SAMD8: variants seen among roughly 807,000 people sequenced by gnomAD.
SAMD8 encodes the protein sterile alpha motif domain containing 8.
SAMD8 carries 20 observed loss-of-function variants against 42.0 expected under a neutral mutation model. That is an observed-to-expected ratio of 0.48 (90% CI 0.34 to 0.69). The LOEUF (loss-of-function observed/expected upper bound fraction) is 0.69. Ranked by LOEUF, SAMD8 falls within the 30% of genes least tolerant of loss-of-function variation. The pLI, the probability that SAMD8 is intolerant of heterozygous loss-of-function variation, is 0.01. For missense variants in SAMD8, 328 were observed against 511.6 expected (o/e 0.64, Z 3.46); for synonymous variants, 162 against 173.0 (o/e 0.94, Z 0.50).
chr10:75,104,001 G>T (rs147263330), intron 1 of SAMD8: 1 of 1,356,188 alleles, frequency 7.4e-7, no homozygotes, highest in Non-Finnish European at 9.8e-7. Flanking sequence ...ACCATCTTCT[G>T]TGTGTCCGCC....
upstream of SAMD8, among the ~76,000 whole-genome samples, chr10:75,109,405 G>A (rs1848708907): frequency 6.6e-6 from 1 of 152,116 alleles, no homozygotes. Context: ...TTCTTCATCT[G>A]TAAAGTAAGG....
chr10:75,171,504 C>CT lies in SAMD8; in HGVS notation c.792+2852dup, dbSNP rs1003954191. Among the ~76,000 whole-genome samples, 4 of 152,098 alleles carry CT rather than the reference C, an allele frequency of 2.6e-5. No individual in the cohort carries two copies. In the East Asian group the frequency reaches 7.7e-4, roughly 29 times the overall value. ...TTTTCATTTAATAGTATGTTGTTTA[C>CT]TTTTTTCTGAAGAAGTACATGTGGT... On this transcript the variant is annotated intron_variant, in intron 4 of 5. Transcript: ENST00000542569.
At chr10:75,140,115 T>G (rs1249107569) in intron 1 of SAMD8, among the ~76,000 whole-genome samples, 1 of 152,230 alleles carries the variant, frequency 6.6e-6, no homozygotes. Context: ...ATAGGTTTGT[T>G]TCTGGACTCT....
At position 75,171,963 on chromosome 10, in the gene SAMD8, C is replaced by T. The variant is rs190419628; in HGVS notation, c.792+3305C>T. ...ATCACTTGAACCTGGGAGGCAGAGG[C>T]TGCAGTGAGCTGAGATCACACCACT... On this transcript the variant is annotated intron_variant, in intron 4 of 5. Transcript: ENST00000542569. 3.4e-3 allele frequency among the ~76,000 whole-genome samples: 513 copies of T among 151,082 alleles called. 2 individuals are homozygous for T. The highest frequency in any genetic ancestry group is 0.012 in the African/African-American group (475 of 41,138).
rs80174130 is a variant in SAMD8 at position 75,104,573 on chromosome 10, G to A, written c.-16+4845G>A. ...GGTCCGAGATCTGATGCTCCGCCAG[G>A]TTCCTGGGTCCTGTCTAGAGGAGAG... On this transcript the variant is annotated intron_variant, in intron 1 of 3. Coordinates refer to the SAMD8 transcript ENST00000447533. 4.4e-3 allele frequency among the ~76,000 whole-genome samples: 677 copies of A among 152,276 alleles called. 5 individuals are homozygous for A. Among genetic ancestry groups the A allele is most frequent in the African/African-American group, 0.015 (635 of 41,542 alleles).
intron 3 of SAMD8, 151 bp downstream of exon 3, chr10:75,164,891 G>GT: frequency 4.7e-6 from 3 of 641,822 alleles, no homozygotes; most frequent in Non-Finnish European, 5.4e-6. Context: ...AGTTTGATCA[G>GT]TAAGAGTCAG....
chr10:75,118,832 C>T (rs1848940851), intron 1 of SAMD8, among the ~76,000 whole-genome samples: 1 of 152,102 alleles, frequency 6.6e-6, no homozygotes, highest in African/African-American at 2.4e-5. Flanking sequence ...CCAAATTAAA[C>T]CTTATCCTCC....
At chr10:75,117,432 A>T (rs1271856659) in intron 1 of SAMD8, among the ~76,000 whole-genome samples, 2 of 150,698 alleles carry the variant, frequency 1.3e-5, no homozygotes, top group Admixed American at 6.6e-5. Context: ...AAAAAAAAAA[A>T]GGGTGGGCGT....
intron 2 of SAMD8, among the ~76,000 whole-genome samples, chr10:75,155,847 T>G (rs1326069596): frequency 6.6e-6 from 1 of 152,196 alleles, no homozygotes; most frequent in Admixed American, 6.5e-5. Context: ...TTCTGTGAGC[T>G]GATACAAAAT....
intron 2 of SAMD8, among the ~76,000 whole-genome samples, chr10:75,152,109 G>A (rs1184354142): frequency 6.6e-6 from 1 of 151,084 alleles, no homozygotes; most frequent in Non-Finnish European, 1.5e-5. Context: ...AATATTGATG[G>A]TGTCATATCA....
At position 75,150,594 on chromosome 10, in the gene SAMD8, G is replaced by C. The variant is rs753692414; in HGVS notation, c.66G>C (p.Lys22Asn). ...CCAAGCATGTAGCTGTGTGGCTGAAGGATGAAGGCTTTTTTGAATATGTGG... is the reference window on the plus strand; with the variant it reads ...CCAAGCATGTAGCTGTGTGGCTGAACGATGAAGGCTTTTTTGAATATGTGG... ...WTTKHVAVWLKDEGFFEYVDI... is the reference protein window; with the variant it reads ...WTTKHVAVWLNDEGFFEYVDI... The change falls in exon 2 of 6, where the codon AAG becomes AAC. Residue 22 changes from lysine (K) to asparagine (N), a missense_variant. Physicochemically the swap from Lys to Asn is moderately conservative, Grantham distance 94. Coordinates refer to ENST00000542569, the MANE Select transcript of SAMD8 (RefSeq NM_001174156.2). 5.6e-6 allele frequency: 9 copies of C among 1,614,148 alleles called. No individual in the cohort carries two copies. The Admixed American group carries it at 1.3e-4, about 24-fold the overall frequency.
intron 1 of SAMD8, among the ~76,000 whole-genome samples, chr10:75,123,420 A>AG (rs1341879722): frequency 6.6e-6 from 1 of 152,092 alleles, no homozygotes; most frequent in Non-Finnish European, 1.5e-5. Flanking sequence ...ATGTTAAGAG[A>AG]GGGGGAGAGA....
At chr10:75,172,772 A>G (rs1251895566) in intron 4 of SAMD8, among the ~76,000 whole-genome samples, 2 of 152,062 alleles carry the variant, frequency 1.3e-5, no homozygotes, top group East Asian at 1.9e-4. Context: ...CTGGGATTAC[A>G]GGCGTGAGCC....
upstream of SAMD8, among the ~76,000 whole-genome samples, chr10:75,107,742 A>G (rs1848602954): frequency 6.6e-6 from 1 of 152,060 alleles, no homozygotes; most frequent in South Asian, 2.1e-4. Flanking sequence ...ATGCCCGGCT[A>G]ATATTTGTAT....
chr10:75,168,620 C>A lies in SAMD8; in HGVS notation c.754C>A (p.Leu252Ile). The change falls in exon 4 of 6, where the codon CTC becomes ATC. Residue 252 changes from leucine (L) to isoleucine (I), a missense_variant. By Grantham distance (5) the Leu-to-Ile change is conservative. This residue lies in a region of SAMD8 where 178 missense variants were observed against 325.6 expected (regional missense o/e 0.55). Coordinates refer to ENST00000542569, the MANE Select transcript of SAMD8 (RefSeq NM_001174156.2). Reference sequence around the variant, plus strand: ...CTGCTTTACCATGTTTGTGACCTCCCTCTCCGTGCCAGGACAACACCTGCA... The same window carrying A: ...CTGCTTTACCATGTTTGTGACCTCCATCTCCGTGCCAGGACAACACCTGCA... ...LRCFTMFVTS[L>I]SVPGQHLQCT... 1 of 1,613,728 alleles carries A rather than the reference C, an allele frequency of 6.2e-7. No individual in the cohort carries two copies. The highest frequency in any genetic ancestry group is 8.5e-7 in the Non-Finnish European group (1 of 1,179,662).
chr10:75,150,349 T>A lies in SAMD8; in HGVS notation c.-15-165T>A, dbSNP rs1008397584. 7.6e-6 allele frequency: 5 copies of A among 660,336 alleles called. No individual in the cohort carries two copies. In the African/African-American group the frequency reaches 9.9e-5, roughly 13 times the overall value. The allele number at this position is 660,336 out of a possible 1,614,324, so 40.9% of individuals were successfully genotyped here. ...TGGCCCAGGACTGGTCTCGAACTCCTGGGCTTAAGTGATCCTCCCAACTCA... is the reference window on the plus strand; with the variant it reads ...TGGCCCAGGACTGGTCTCGAACTCCAGGGCTTAAGTGATCCTCCCAACTCA... On this transcript the variant is annotated intron_variant, in intron 1 of 5. Transcript: ENST00000542569.
chr10:75,121,980 C>T (rs1158350573), intron 1 of SAMD8, among the ~76,000 whole-genome samples: 1 of 152,192 alleles, frequency 6.6e-6, no homozygotes, highest in East Asian at 1.9e-4. Flanking sequence ...GAGTAAGCCA[C>T]CATGCCCAGC....
In SAMD8 at chr10:75,157,881, C is replaced by T. The variant is rs577346656; in HGVS notation, c.579-6764C>T. 4.6e-5 allele frequency among the ~76,000 whole-genome samples: 7 copies of T among 152,114 alleles called. No individual in the cohort carries two copies. The East Asian group carries it at 9.6e-4, about 21-fold the overall frequency. ...ATATGGATGAGGAAAGAAGTAAGGC[C>T]GGGCGCGGTGTCTCACGCCTATAAT... is the stretch of plus-strand genomic sequence containing the variant. On this transcript the variant is annotated intron_variant, in intron 2 of 5. Transcript: ENST00000542569.
chr10:75,109,220 C>T, upstream of SAMD8: 1 of 1,464,900 alleles, frequency 6.8e-7, no homozygotes, highest in Non-Finnish European at 9.0e-7. Flanking sequence ...AGTGTCATTT[C>T]TCCTTCCCAG....
Sources: allele counts gnomAD v4.1 joint callset (sites outside exome capture counted in the v4.1 genomes callset), GRCh38; gene constraint gnomAD v4.1.1; regional missense constraint gnomAD v4.1.1; transcripts MANE v1.5; gene names NCBI Gene and HGNC (gene_info 2026-07-23, HGNC 2026-07-21).